CHGA: variants seen among roughly 807,000 people sequenced by gnomAD.
CHGA encodes chromogranin-A.
Under a neutral mutation model 54.4 loss-of-function variants are expected in CHGA, and 41 were observed. The ratio of observed to expected loss-of-function variants is 0.75; its 90% confidence interval spans 0.59 to 0.98. The LOEUF is 0.98. Among genes scored for constraint, CHGA ranks in the 50% least tolerant of loss-of-function variants. The probability of loss-of-function intolerance (pLI) is 0.00; values close to 1 mark genes in which losing one functional copy is unlikely to be tolerated. For missense variants in CHGA, 576 were observed against 582.3 expected (o/e 0.99, Z 0.11); for synonymous variants, 249 against 232.8 (o/e 1.07, Z -0.63).
chr14:92,929,702 C>G lies in CHGA; in HGVS notation c.257-15C>G, dbSNP rs1886956036. On this transcript the variant is annotated splice_polypyrimidine_tract_variant and intron_variant, in intron 4 of 7. Coordinates refer to ENST00000216492, the MANE Select transcript of CHGA (RefSeq NM_001275.4). ...CTGCACCCAATGGGACTTTTCCCTCCTTTTCTCATACCAGGCGCCAAGGAG... is the reference window on the plus strand; with the variant it reads ...CTGCACCCAATGGGACTTTTCCCTCGTTTTCTCATACCAGGCGCCAAGGAG... The G allele has an allele frequency of 6.2e-7, 1 of 1,612,850 alleles. No homozygotes were observed. Among genetic ancestry groups the G allele is most frequent in the African/African-American group, 1.3e-5 (1 of 74,920 alleles).
rs76470983 is a variant in CHGA, at chr14:92,929,579, C to T, written c.257-138C>T. Reference sequence around the variant, plus strand: ...CCCTTCACCGCTCCCCAAGCTCACGCCCCATCAGTGTCTCATTGGGCAGGC... The same window carrying T: ...CCCTTCACCGCTCCCCAAGCTCACGTCCCATCAGTGTCTCATTGGGCAGGC... On this transcript the variant is annotated intron_variant, in intron 4 of 7. Transcript: ENST00000216492. The T allele has an allele frequency of 1.6e-4, 118 of 744,538 alleles. No individual in the cohort carries two copies. The African/African-American group carries it at 1.8e-3, about 12-fold the overall frequency. The allele number at this position is 744,538 out of a possible 1,614,324, so 46.1% of individuals were successfully genotyped here.
chr14:92,923,332 CG>C lies in CHGA; in HGVS notation c.-27del. On this transcript the variant is annotated 5_prime_UTR_variant, in exon 1 of 8. Transcript: ENST00000216492. ...GGTGCCTAGGTGCCCGGCCCCACAC[CG>C]CCAGCTGCTCGGCGCCCGGGTCCGC... The C allele has an allele frequency of 7.6e-7, 1 of 1,322,538 alleles. No homozygotes were observed. Among genetic ancestry groups the C allele is most frequent in the South Asian group, 2.1e-5 (1 of 46,834 alleles). The allele number at this position is 1,322,538 out of a possible 1,614,324, so 81.9% of individuals were successfully genotyped here. A position where few individuals can be genotyped will look rare whatever the true frequency, so the allele number is the denominator to read the frequency against.
chr14:92,934,654 T>G, intron 7 of CHGA, 147 bp from the exon 8 acceptor site: 1 of 649,438 alleles, frequency 1.5e-6, no homozygotes, highest in Non-Finnish European at 2.7e-6. Flanking sequence ...AGTAAGCTCA[T>G]TATCACTGTC....
At chr14:92,923,958 C>T (rs566881233) in intron 1 of CHGA, among the ~76,000 whole-genome samples, 2 of 152,250 alleles carry the variant, frequency 1.3e-5, no homozygotes, top group Non-Finnish European at 2.9e-5. Flanking sequence ...AAAGCACACC[C>T]GCTCCAGAGC....
rs763150530 is a variant in CHGA, at chr14:92,929,755, G to A, written c.295G>A (p.Gly99Ser). 3.8e-5 allele frequency: 62 copies of A among 1,613,754 alleles called. No individual in the cohort carries two copies. Among genetic ancestry groups the A allele is most frequent in the South Asian group, 1.4e-4 (13 of 91,086 alleles). Residue 99 changes from glycine (G) to serine (S), a missense_variant, in exon 5 of 8, where the codon GGT becomes AGT. Physicochemically the swap from Gly to Ser is moderately conservative, Grantham distance 56. Coordinates refer to ENST00000216492, the MANE Select transcript of CHGA (RefSeq NM_001275.4). ...ERAHQQKKHS[G>S]FEDELSEVLE... ...GGCACATCAGCAGAAGAAACACAGC[G>A]GTTTTGAAGATGAACTCTCAGAGGT...
At position 92,931,561 on chromosome 14, in the gene CHGA, T is replaced by A. The variant is rs1451526612; in HGVS notation, c.667T>A (p.Trp223Arg). The change falls in exon 6 of 8, where the codon TGG (tryptophan) becomes AGG (arginine). Residue 223 changes from tryptophan (W) to arginine (R), a missense_variant. Coordinates refer to ENST00000216492, the MANE Select transcript of CHGA (RefSeq NM_001275.4). ...REKGLSAEPG[W>R]QAKREEEEEE... is the part of the protein sequence containing the mutation. ...GAAGGGCCTGAGTGCAGAGCCAGGG[T>A]GGCAGGCAAAGAGAGAAGAGGAGGA... 6.2e-7 allele frequency: 1 copy of A among 1,611,132 alleles called. No individual in the cohort carries two copies. The highest frequency in any genetic ancestry group is 1.3e-5 in the African/African-American group (1 of 74,112).
chr14:92,932,297 C>T lies in CHGA; in HGVS notation c.809-73C>T, dbSNP rs1378443619. 2.0e-6 allele frequency: 3 copies of T among 1,485,680 alleles called. No homozygotes were observed. Among genetic ancestry groups the T allele is most frequent in the Non-Finnish European group, 9.0e-7 (1 of 1,115,200 alleles). 92.0% of individuals were successfully genotyped at this position (1,485,680 alleles called of 1,614,324 possible). A position where few individuals can be genotyped will look rare whatever the true frequency, so the allele number is the denominator to read the frequency against. On this transcript the variant is annotated intron_variant, in intron 6 of 7. Coordinates refer to ENST00000216492, the MANE Select transcript of CHGA (RefSeq NM_001275.4). This position sits in a 1 kb window ranked among gnomAD's most constrained non-coding sequence, Gnocchi z 5.3. ...GGGCTGTGGCCGCAGCAGAGGCCCCCAGGGAGTGGCAGAGACTGGGAAAAT... is the reference window on the plus strand; with the variant it reads ...GGGCTGTGGCCGCAGCAGAGGCCCCTAGGGAGTGGCAGAGACTGGGAAAAT...
chr14:92,934,787 A>C lies in CHGA; in HGVS notation c.1291-14A>C, dbSNP rs907182537. On this transcript the variant is annotated splice_polypyrimidine_tract_variant and intron_variant, in intron 7 of 7. Coordinates refer to ENST00000216492, the MANE Select transcript of CHGA (RefSeq NM_001275.4). ...GGCCAGGCTGGCCCGAGTGAACCCC[A>C]ATGTCTCTCCTAGGACCAGGAGCTG... is the stretch of plus-strand genomic sequence containing the variant. 3 of 1,569,866 alleles carry C rather than the reference A, an allele frequency of 1.9e-6. No individual in the cohort carries two copies. The highest frequency in any genetic ancestry group is 2.7e-5 in the African/African-American group (2 of 73,850).
chr14:92,932,288 A>G lies in CHGA; in HGVS notation c.809-82A>G. 1.4e-6 allele frequency: 2 copies of G among 1,466,218 alleles called. No homozygotes were observed. 90.8% of individuals were successfully genotyped at this position (1,466,218 alleles called of 1,614,324 possible). A position where few individuals can be genotyped will look rare whatever the true frequency, so the allele number is the denominator to read the frequency against. ...GGAGAGGCTGGGCTGTGGCCGCAGCAGAGGCCCCCAGGGAGTGGCAGAGAC... is the reference window on the plus strand; with the variant it reads ...GGAGAGGCTGGGCTGTGGCCGCAGCGGAGGCCCCCAGGGAGTGGCAGAGAC... On this transcript the variant is annotated intron_variant, in intron 6 of 7. Coordinates refer to ENST00000216492, the MANE Select transcript of CHGA (RefSeq NM_001275.4). The surrounding 1 kb of genome is among the most constrained non-coding windows in gnomAD (Gnocchi z 5.3).
chr14:92,926,274 C>T (rs946156349), intron 2 of CHGA: 4 of 310,160 alleles, frequency 1.3e-5, no homozygotes, highest in African/African-American at 6.2e-5. Context: ...GCAGTTTTCT[C>T]ATGTTTAGAG....
chr14:92,926,222 C>T (rs755937479), intron 2 of CHGA: 10 of 218,788 alleles, frequency 4.6e-5, no homozygotes, highest in South Asian at 3.7e-4. Context: ...GGCATCTTCA[C>T]GATCAGAGCA....
chr14:92,927,589 T>C lies in CHGA; in HGVS notation c.227T>C (p.Leu76Pro). The C allele has an allele frequency of 6.2e-7, 1 of 1,613,910 alleles. No individual in the cohort carries two copies. The highest frequency in any genetic ancestry group is 8.5e-7 in the Non-Finnish European group (1 of 1,179,936). The change falls in exon 4 of 8, where the codon CTG (leucine) becomes CCG (proline). Residue 76 changes from leucine to proline, a missense_variant. Physicochemically the swap from Leu to Pro is moderately conservative, Grantham distance 98. Transcript: ENST00000216492. ...ILSILRHQNL[L>P]KELQDLALQG... is the part of the protein sequence containing the mutation. The stretch of plus-strand genomic sequence containing the variant: ...TCCATTCTGAGACATCAGAATTTAC[T>C]GAAGGAGCTCCAAGACCTCGCTCTC...
chr14:92,923,354 T>A lies in CHGA; in HGVS notation c.-6T>A. ...CACCGCCAGCTGCTCGGCGCCCGGG[T>A]CCGCCATGCGCTCCGCCGCTGTCCT... On this transcript the variant is annotated 5_prime_UTR_variant, in exon 1 of 8. Coordinates refer to ENST00000216492, the MANE Select transcript of CHGA (RefSeq NM_001275.4). The A allele has an allele frequency of 7.6e-7, 1 of 1,320,096 alleles. No individual in the cohort carries two copies. The allele number at this position is 1,320,096 out of a possible 1,614,324, so 81.8% of individuals were successfully genotyped here.
At position 92,935,163 on chromosome 14, in the gene CHGA, A is replaced by C; in HGVS notation, c.*279A>C. 1 of 443,052 alleles carries C rather than the reference A, an allele frequency of 2.3e-6. No individual in the cohort carries two copies. Among genetic ancestry groups the C allele is most frequent in the Non-Finnish European group, 4.0e-6 (1 of 253,074 alleles). The allele number at this position is 443,052 out of a possible 1,614,324, so 27.4% of individuals were successfully genotyped here. A position where few individuals can be genotyped will look rare whatever the true frequency, so the allele number is the denominator to read the frequency against. ...GCTTTCTAGAAGTTTCCCTTCCTCC[A>C]TCCTATCCACTGGGCACAACTGCAA... On this transcript the variant is annotated 3_prime_UTR_variant, in exon 8 of 8. Coordinates refer to ENST00000216492, the MANE Select transcript of CHGA (RefSeq NM_001275.4).
Position 92,932,635 on chromosome 14 carries a change from G to A in CHGA, c.1074G>A (p.Leu358=), listed in dbSNP as rs1264772133. The change falls in exon 7 of 8, where the codon CTG becomes CTA. Residue 358 remains leucine (L), a synonymous_variant. Coordinates refer to ENST00000216492, the MANE Select transcript of CHGA (RefSeq NM_001275.4). The surrounding 1 kb of genome is among the most constrained non-coding windows in gnomAD (Gnocchi z 5.3). ...LAKELTAEKR[L]EGQEEEEDNR... Reference sequence around the variant, plus strand: ...AGGAGCTGACGGCTGAGAAGCGGCTGGAGGGGCAGGAGGAGGAGGAGGACA... The same window carrying A: ...AGGAGCTGACGGCTGAGAAGCGGCTAGAGGGGCAGGAGGAGGAGGAGGACA... 3.1e-6 allele frequency: 5 copies of A among 1,592,708 alleles called. No homozygotes were observed. The highest frequency in any genetic ancestry group is 4.3e-6 in the Non-Finnish European group (5 of 1,171,892).
At chr14:92,931,824 A>C in intron 6 of CHGA, 122 bp downstream of exon 6, 1 of 1,009,614 alleles carries the variant, frequency 9.9e-7, no homozygotes, top group South Asian at 1.8e-5. Flanking sequence ...TATTAGCTCC[A>C]TTTCCCAGGT....
intron 1 of CHGA, 110 bp downstream of exon 1, chr14:92,923,515 G>C (rs186857827): frequency 9.6e-6 from 10 of 1,045,162 alleles, no homozygotes; most frequent in African/African-American, 3.3e-5. Context: ...CTTCGGGCGC[G>C]GCGAGTTTTC....
intron 4 of CHGA, 80 bp from the exon 5 acceptor site, chr14:92,929,637 G>GA: frequency 7.9e-7 from 1 of 1,257,974 alleles, no homozygotes. Context: ...TACAGATGGG[G>GA]AAATGGAGGT....
chr14:92,934,692 C>T, intron 7 of CHGA, 109 bp from the exon 8 acceptor site: 1 of 761,928 alleles, frequency 1.3e-6, no homozygotes, highest in Non-Finnish European at 2.2e-6. Flanking sequence ...TACAGAGAGA[C>T]AAAGCCACCT....
Sources: gnomAD v4.1 joint callset for allele counts (sites outside exome capture counted in the v4.1 genomes callset) on GRCh38, gnomAD v4.1.1 for gene constraint, Gnocchi (gnomAD v3.1) non-coding constraint, MANE v1.5 for transcripts, NCBI Gene and HGNC (gene_info 2026-07-23, HGNC 2026-07-21) for gene names.